UBN2: variants seen among roughly 807,000 people sequenced by gnomAD.
UBN2 encodes ubinuclein 2, also known as ubinuclein-2.
Under a neutral mutation model 120.2 loss-of-function variants are expected in UBN2, and 35 were observed. The observed-to-expected ratio is 0.29, with a 90% CI of 0.22 to 0.39. The LOEUF is 0.39. UBN2 is among the 10% of genes least tolerant of loss of function. The probability of loss-of-function intolerance (pLI) is 1.00; values close to 1 mark genes in which losing one functional copy is unlikely to be tolerated. For synonymous variants in UBN2, 661 were observed against 648.7 expected (o/e 1.02, Z -0.29); for missense variants, 1,693 against 1,663.2 (o/e 1.02, Z -0.31).
At chr7:139,250,729 G>T (rs1260556352) in intron 2 of UBN2, among the ~76,000 whole-genome samples, 3 of 151,978 alleles carry the variant, frequency 2.0e-5, no homozygotes, top group Non-Finnish European at 2.9e-5. Context: ...TCTTAACTCA[G>T]ATTTCACGTA....
At chr7:139,316,937 CT>C in the UBN2 span, among the ~76,000 whole-genome samples, 6 of 143,058 alleles carry the variant, frequency 4.2e-5, no homozygotes, top group Admixed American at 7.0e-5. Flanking sequence ...TCCTAAATTT[CT>C]TTTTTTTTTC....
the UBN2 span, among the ~76,000 whole-genome samples, chr7:139,317,629 T>C: frequency 6.6e-6 from 1 of 152,096 alleles, no homozygotes; most frequent in Non-Finnish European, 1.5e-5. Flanking sequence ...CTGATTTAGA[T>C]CATTATTCAT....
At chr7:139,293,575 T>TG (rs1798025895) in intron 16 of UBN2, 112 bp downstream of exon 16, 2 of 916,280 alleles carry the variant, frequency 2.2e-6, no homozygotes, top group Admixed American at 6.2e-5. Flanking sequence ...GATTATAGTT[T>TG]TTTTTTTTTT....
chr7:139,329,310 T>C, the UBN2 span, among the ~76,000 whole-genome samples: 45 of 151,970 alleles, frequency 3.0e-4, no homozygotes, highest in Admixed American at 2.4e-3. Context: ...TCGGATACTC[T>C]TGTGATTCCC....
chr7:139,315,378 GC>G, the UBN2 span: 1 of 152,318 alleles, frequency 6.6e-6, no homozygotes, highest in East Asian at 1.9e-4. Flanking sequence ...TAGTATATGT[GC>G]CGCTGAAGCA....
intron 15 of UBN2, among the ~76,000 whole-genome samples, chr7:139,290,166 T>C (rs1361457929): frequency 6.6e-6 from 1 of 152,162 alleles, no homozygotes; most frequent in East Asian, 1.9e-4. Context: ...GAATTCCTGA[T>C]CTCATGATCC....
chr7:139,277,579 A>T (rs1211126238), intron 12 of UBN2: 1 of 152,172 alleles, frequency 6.6e-6, no homozygotes, highest in Non-Finnish European at 1.5e-5. Flanking sequence ...TATATCAGAG[A>T]TGCATTGAGT....
At position 139,307,180 on chromosome 7, in the gene UBN2, G is replaced by A. The variant is rs1308002472; in HGVS notation, c.*9344G>A. ...ATGTTTCAAAACCAATCTTGAAGGA[G>A]CCTAAAGAGTTGATGGTCCTCTAGG... On this transcript the variant is annotated 3_prime_UTR_variant, in exon 18 of 18. Transcript: ENST00000473989. 6.6e-6 allele frequency: 1 copy of A among 152,180 alleles called. No individual in the cohort carries two copies. The highest frequency in any genetic ancestry group is 1.5e-5 in the Non-Finnish European group (1 of 68,030). The allele number at this position is 152,180 out of a possible 1,614,324, so 9.4% of individuals were successfully genotyped here. A position where few individuals can be genotyped will look rare whatever the true frequency, so the allele number is the denominator to read the frequency against.
intron 14 of UBN2, 26 bp downstream of exon 14, chr7:139,282,081 G>A: frequency 6.2e-7 from 1 of 1,607,232 alleles, no homozygotes; most frequent in Non-Finnish European, 8.5e-7. Context: ...GTATCAATCA[G>A]TATGTAATAT....
chr7:139,276,514 T>G, intron 12 of UBN2: 1 of 250,832 alleles, frequency 4.0e-6, no homozygotes, highest in South Asian at 5.3e-5. Context: ...CAGATCCATA[T>G]GCACACCCAC....
Position 139,283,480 on chromosome 7 carries a change from G to C in UBN2, c.2575G>C (p.Gly859Arg). 1.2e-6 allele frequency: 2 copies of C among 1,614,110 alleles called. No homozygotes were observed. The highest frequency in any genetic ancestry group is 1.7e-6 in the Non-Finnish European group (2 of 1,180,026). ...TGGCATCTCTTCAGGCCTTATTGCT[G>C]GTTCTTCCATTCAGAACCCTAAAGT... ...HTGISSGLIA[G>R]SSIQNPKVSL... The change falls in exon 15 of 18, where the codon GGT (glycine) becomes CGT (arginine). Residue 859 changes from glycine (G) to arginine (R), a missense_variant. Gly to Arg is a moderately radical substitution (Grantham distance 125). Around this residue, in one of 5 missense-constraint regions of UBN2, gnomAD observed 837 missense variants for 817.6 expected, o/e 1.02. Coordinates refer to ENST00000473989, the MANE Select transcript of UBN2 (RefSeq NM_173569.4).
At position 139,298,947 on chromosome 7, in the gene UBN2, G is replaced by A. The variant is rs1798187741; in HGVS notation, c.*1111G>A. 1.3e-5 allele frequency: 2 copies of A among 152,172 alleles called. No homozygotes were observed. Among genetic ancestry groups the A allele is most frequent in the South Asian group, 4.2e-4 (2 of 4,818 alleles). 9.4% of individuals were successfully genotyped at this position (152,172 alleles called of 1,614,324 possible). ...TTTTAAGATGGTATTTTAAAGGGAG[G>A]AATCACATTAGGATCACAATCACGA... On this transcript the variant is annotated 3_prime_UTR_variant, in exon 18 of 18. Transcript: ENST00000473989.
chr7:139,247,028 T>G (rs1385244617), intron 2 of UBN2, among the ~76,000 whole-genome samples: 2 of 151,942 alleles, frequency 1.3e-5, no homozygotes, highest in African/African-American at 2.4e-5. Context: ...AACGTGAGAG[T>G]GCAAGTCTGT....
In UBN2 at chr7:139,231,663, G is replaced by T; in HGVS notation, c.179G>T (p.Arg60Leu). The T allele has an allele frequency of 8.4e-7, 1 of 1,194,580 alleles. No individual in the cohort carries two copies. Among genetic ancestry groups the T allele is most frequent in the Non-Finnish European group, 1.0e-6 (1 of 966,768 alleles). The allele number at this position is 1,194,580 out of a possible 1,614,324, so 74.0% of individuals were successfully genotyped here. ...EPPAPREPAP[R>L]SDAQPPSREK... ...CCGGCCCCGCGGGAGCCTGCCCCCC[G>T]CTCGGACGCGCAGCCCCCGTCGCGG... Residue 60 changes from arginine to leucine, a missense_variant, in exon 1 of 18, where the codon CGC (arginine) becomes CTC (leucine). This residue lies in a region of UBN2 where 663 missense variants were observed against 591.2 expected (regional missense o/e 1.12). Coordinates refer to ENST00000473989, the MANE Select transcript of UBN2 (RefSeq NM_173569.4).
In UBN2 at chr7:139,283,043, A is replaced by G; in HGVS notation, c.2138A>G (p.Asp713Gly). ...TMLKECSPKK[D>G]QKTPTSLVAS... ...CATTAGGAGTGTAGTCCAAAAAAGGACCAGAAAACTCCAACATCCCTGGTG... is the reference window on the plus strand; with the variant it reads ...CATTAGGAGTGTAGTCCAAAAAAGGGCCAGAAAACTCCAACATCCCTGGTG... Residue 713 changes from aspartate to glycine, a missense_variant, in exon 15 of 18, where the codon GAC becomes GGC. Physicochemically the swap from Asp to Gly is moderately conservative, Grantham distance 94. Around this residue, in one of 5 missense-constraint regions of UBN2, gnomAD observed 837 missense variants for 817.6 expected, o/e 1.02. Coordinates refer to ENST00000473989, the MANE Select transcript of UBN2 (RefSeq NM_173569.4). 6.2e-7 allele frequency: 1 copy of G among 1,600,266 alleles called. No homozygotes were observed. Among genetic ancestry groups the G allele is most frequent in the Non-Finnish European group, 8.5e-7 (1 of 1,174,714 alleles).
chr7:139,322,354 C>T, the UBN2 span, among the ~76,000 whole-genome samples: 1 of 152,202 alleles, frequency 6.6e-6, no homozygotes, highest in South Asian at 2.1e-4. Flanking sequence ...CCTGGAAAAG[C>T]TATAAATGTC....
At chr7:139,248,190 C>T (rs1237687696) in intron 2 of UBN2, among the ~76,000 whole-genome samples, 2 of 152,028 alleles carry the variant, frequency 1.3e-5, no homozygotes, top group Non-Finnish European at 2.9e-5. Flanking sequence ...TCGAAATAAG[C>T]TATGTAGAAT....
rs1182660587 is a variant in UBN2, at chr7:139,276,146, C to T, written c.2023C>T (p.Pro675Ser). ...RSVHNHLTSAPAKKKVIPAPK... is the reference protein window; with the variant it reads ...RSVHNHLTSASAKKKVIPAPK... ...TGTTCATAATCATCTTACTTCTGCT[C>T]CGTGAGTAAATGCAGACTCCAGATT... The change falls in exon 12 of 18, where the codon CCG becomes TCG. Residue 675 changes from proline to serine, a missense_variant and splice_region_variant. Physicochemically the swap from Pro to Ser is moderately conservative, Grantham distance 74. Transcript: ENST00000473989. 2 of 1,613,488 alleles carry T rather than the reference C, an allele frequency of 1.2e-6. No homozygotes were observed. The highest frequency in any genetic ancestry group is 2.2e-5 in the East Asian group (1 of 44,836).
chr7:139,250,502 G>A (rs996936996), intron 2 of UBN2, among the ~76,000 whole-genome samples: 2 of 151,718 alleles, frequency 1.3e-5, no homozygotes, highest in African/African-American at 4.8e-5. Context: ...CCAAAGTGCT[G>A]GGATTACTGG....
Sources: allele counts gnomAD v4.1 joint callset (sites outside exome capture counted in the v4.1 genomes callset), GRCh38; gene constraint gnomAD v4.1.1; regional missense constraint gnomAD v4.1.1; transcripts MANE v1.5; gene names NCBI Gene and HGNC (gene_info 2026-07-23, HGNC 2026-07-21).